The following SPON1 variants were observed in gnomAD, a reference collection of about 807,000 sequenced individuals.
SPON1 encodes the protein spondin-1.
In SPON1, 52 loss-of-function variants were observed where a neutral mutation model predicts 111.7. The observed-to-expected ratio is 0.47, with a 90% CI of 0.37 to 0.59. The LOEUF (loss-of-function observed/expected upper bound fraction) is 0.59. SPON1 is among the 20% of genes least tolerant of loss of function. The probability of loss-of-function intolerance (pLI) is 0.00; values close to 1 mark genes in which losing one functional copy is unlikely to be tolerated. For synonymous variants in SPON1, 410 were observed against 395.8 expected (o/e 1.04, Z -0.43); for missense variants, 957 against 1,068.5 (o/e 0.90, Z 1.46).
chr11:14,256,270 G>T (rs967083041), intron 9 of SPON1, among the ~76,000 whole-genome samples: 1 of 152,098 alleles, frequency 6.6e-6, no homozygotes, highest in Non-Finnish European at 1.5e-5. Flanking sequence ...GAAAAAAAAA[G>T]AAAATGAGCA....
At chr11:13,982,757 A>G (rs1457664746) in intron 1 of SPON1, 90 bp from the exon 2 acceptor site, 59 of 854,260 alleles carry the variant, frequency 6.9e-5, no homozygotes, top group Admixed American at 2.1e-4. Context: ...CAGGTCTGGG[A>G]TATCGATGGA....
intron 15 of SPON1, 90 bp from the exon 16 acceptor site, chr11:14,265,434 A>G: frequency 7.1e-7 from 1 of 1,407,720 alleles, no homozygotes; most frequent in Non-Finnish European, 9.5e-7. Flanking sequence ...GGAGGAGCCC[A>G]GACAAGCACA....
At chr11:13,977,171 G>T (rs1426393412) in intron 1 of SPON1, among the ~76,000 whole-genome samples, 1 of 152,152 alleles carries the variant, frequency 6.6e-6, no homozygotes, top group Non-Finnish European at 1.5e-5. Context: ...ATTCTTATAG[G>T]TATCTTTGGT....
At position 14,196,282 on chromosome 11, in the gene SPON1, G is replaced by A. The variant is rs1250347058; in HGVS notation, c.826-47050G>A. The stretch of plus-strand genomic sequence containing the variant: ...CAGCATAGAGAAATCTACAGAAACA[G>A]AAAGTAGATTAGTGGTTGCCTAGGC... On this transcript the variant is annotated intron_variant, in intron 6 of 15. Transcript: ENST00000576479. 4.6e-5 allele frequency among the ~76,000 whole-genome samples: 7 copies of A among 152,288 alleles called. No homozygotes were observed. In the East Asian group the frequency reaches 1.4e-3, roughly 29 times the overall value.
chr11:13,994,447 C>T (rs549491603), intron 2 of SPON1, among the ~76,000 whole-genome samples: 2 of 152,258 alleles, frequency 1.3e-5, no homozygotes, highest in East Asian at 1.9e-4. Context: ...TCCCCACACA[C>T]ACACACACAA....
chr11:13,971,479 A>G (rs1591336233), intron 1 of SPON1, among the ~76,000 whole-genome samples: 2 of 152,204 alleles, frequency 1.3e-5, no homozygotes, highest in African/African-American at 4.8e-5. Context: ...AGTCATTTGT[A>G]GTACTTTCCA....
chr11:14,091,806 A>G (rs1480795275), intron 5 of SPON1, among the ~76,000 whole-genome samples: 1 of 152,194 alleles, frequency 6.6e-6, no homozygotes, highest in African/African-American at 2.4e-5. Flanking sequence ...AGGGCTCCTC[A>G]AATGCCGCCA....
At chr11:14,098,298 T>C (rs1554924093) in intron 5 of SPON1, among the ~76,000 whole-genome samples, 1 of 152,226 alleles carries the variant, frequency 6.6e-6, no homozygotes, top group East Asian at 1.9e-4. Context: ...TTGGATTTTC[T>C]AATGCCATTT....
At chr11:14,258,159 T>G (rs891128261) in intron 11 of SPON1, among the ~76,000 whole-genome samples, 8 of 152,234 alleles carry the variant, frequency 5.3e-5, no homozygotes, top group African/African-American at 9.6e-5. Context: ...ATACAACTTA[T>G]GACAAGTTAC....
intron 1 of SPON1, among the ~76,000 whole-genome samples, chr11:13,977,441 G>A (rs1848111340): frequency 6.6e-6 from 1 of 152,142 alleles, no homozygotes; most frequent in Non-Finnish European, 1.5e-5. Flanking sequence ...GAGGTTGAGA[G>A]CCTTTGCATA....
intron 2 of SPON1, among the ~76,000 whole-genome samples, chr11:14,022,360 A>C (rs1477280078): frequency 6.6e-6 from 1 of 152,220 alleles, no homozygotes; most frequent in African/African-American, 2.4e-5. Context: ...TCTGGCAAAT[A>C]ATCTGTTCTC....
chr11:14,196,462 G>A (rs1272569326), intron 6 of SPON1, among the ~76,000 whole-genome samples: 1 of 152,102 alleles, frequency 6.6e-6, no homozygotes, highest in South Asian at 2.1e-4. Context: ...GAGGTAAATT[G>A]TATGTTATAT....
intron 2 of SPON1, among the ~76,000 whole-genome samples, chr11:14,031,582 C>T (rs1308381038): frequency 6.6e-6 from 1 of 151,884 alleles, no homozygotes; most frequent in African/African-American, 2.4e-5. Context: ...AAAATCAGTA[C>T]CGCTATTAAC....
intron 5 of SPON1, among the ~76,000 whole-genome samples, chr11:14,106,889 C>T (rs1554924988): frequency 6.6e-6 from 1 of 152,100 alleles, no homozygotes; most frequent in Non-Finnish European, 1.5e-5. Context: ...TGTGCATATT[C>T]ATATGGTCCT....
In SPON1 at chr11:14,170,448, C is replaced by CA. The variant is rs1295287624; in HGVS notation, c.825+34882dup. Among the ~76,000 whole-genome samples, 4 of 152,270 alleles carry CA rather than the reference C, an allele frequency of 2.6e-5. No homozygotes were observed. The East Asian group carries it at 7.7e-4, about 29-fold the overall frequency. On this transcript the variant is annotated intron_variant, in intron 6 of 15. Transcript: ENST00000576479. The stretch of plus-strand genomic sequence containing the variant: ...TAATCATGTCATCTGCAAACAGGGA[C>CA]AATTTGACTTCCTCTTTTCCTAATT...
In SPON1 at chr11:14,160,691, T is replaced by TTATATATTTATATATATTTA. The variant is rs1216080158; in HGVS notation, c.825+25139_825+25158dup. Among the ~76,000 whole-genome samples the TTATATATTTATATATATTTA allele has an allele frequency of 1.7e-4, 2 of 11,548 alleles. 1 individual carries two copies. The highest frequency in any genetic ancestry group is 2.3e-4 in the Non-Finnish European group (2 of 8,676). The allele number at this position is 11,548 out of a possible 152,430, so 7.6% of individuals were successfully genotyped here. On this transcript the variant is annotated intron_variant, in intron 6 of 15. Transcript: ENST00000576479. Reference sequence around the variant, plus strand: ...TATTTACATATATTTATATATATATTTATATATTTATATATATTTATATAT... The same window carrying TTATATATTTATATATATTTA: ...TATTTACATATATTTATATATATATTTATATATTTATATATATTTATATATATTTATATATATTTATATAT...
At chr11:13,968,685 C>A (rs17462896) in intron 1 of SPON1, among the ~76,000 whole-genome samples, 3 of 152,086 alleles carry the variant, frequency 2.0e-5, no homozygotes, top group Non-Finnish European at 4.4e-5. Context: ...CCGTTACAGC[C>A]GAGGAGAACC....
At chr11:14,235,969 C>T (rs968806833) in intron 6 of SPON1, among the ~76,000 whole-genome samples, 7 of 152,154 alleles carry the variant, frequency 4.6e-5, no homozygotes, top group Middle Eastern at 3.4e-3. Context: ...CATAAGAAGT[C>T]CAGGATGCCG....
At chr11:14,021,493 C>T (rs1320892505) in intron 2 of SPON1, among the ~76,000 whole-genome samples, 2 of 152,092 alleles carry the variant, frequency 1.3e-5, no homozygotes, top group Non-Finnish European at 2.9e-5. Context: ...GGTTGCAAAA[C>T]CTGAGGAAGA....
Sources: allele counts gnomAD v4.1 joint callset (sites outside exome capture counted in the v4.1 genomes callset), GRCh38; gene constraint gnomAD v4.1.1; transcripts MANE v1.5; gene names NCBI Gene and HGNC (gene_info 2026-07-23, HGNC 2026-07-21).